Variants in ATG4C observed in about 807,000 individuals in gnomAD.
ATG4C encodes the protein autophagy related 4C cysteine peptidase.
Under a neutral mutation model 57.6 loss-of-function variants are expected in ATG4C, and 56 were observed. That is an observed-to-expected ratio of 0.97 (90% CI 0.78 to 1.21). The LOEUF is 1.21. Among genes scored for constraint, ATG4C ranks in the 50% most tolerant of loss-of-function variants. The probability of loss-of-function intolerance (pLI) is 0.00; values close to 1 mark genes in which losing one functional copy is unlikely to be tolerated. For missense variants in ATG4C, 595 were observed against 529.8 expected (o/e 1.12, Z -1.21); for synonymous variants, 157 against 174.1 (o/e 0.90, Z 0.78).
At chr1:62,851,917 C>T (rs571294666) in intron 10 of ATG4C, among the ~76,000 whole-genome samples, 5 of 152,176 alleles carry the variant, frequency 3.3e-5, no homozygotes, top group South Asian at 4.2e-4. Context: ...GTTTGCAAAG[C>T]GAAAATTGTA....
chr1:62,855,762 G>A (rs1666662718), intron 10 of ATG4C, among the ~76,000 whole-genome samples: 1 of 152,156 alleles, frequency 6.6e-6, no homozygotes, highest in Non-Finnish European at 1.5e-5. Flanking sequence ...GAAAGGTTTA[G>A]CAGTGTTGAC....
intron 3 of ATG4C, among the ~76,000 whole-genome samples, chr1:62,812,075 A>G (rs1014701866): frequency 2.6e-5 from 4 of 152,190 alleles, no homozygotes; most frequent in African/African-American, 9.6e-5. Context: ...CTTAGTAGTT[A>G]TGAAATGACC....
intron 10 of ATG4C, among the ~76,000 whole-genome samples, chr1:62,842,789 C>T (rs1666211432): frequency 6.6e-6 from 1 of 152,178 alleles, no homozygotes; most frequent in East Asian, 1.9e-4. Flanking sequence ...GGAACCATTC[C>T]ATATTCTTCA....
intron 3 of ATG4C, among the ~76,000 whole-genome samples, chr1:62,807,276 G>T (rs1016915965): frequency 2.6e-5 from 4 of 152,138 alleles, no homozygotes; most frequent in African/African-American, 7.2e-5. Context: ...TTTGGTCTTT[G>T]ATCCCAGTTC....
chr1:62,789,023 C>T (rs1664179017), intron 1 of ATG4C, among the ~76,000 whole-genome samples: 1 of 151,762 alleles, frequency 6.6e-6, no homozygotes. Flanking sequence ...GTATGTTTTC[C>T]CTTTTGTATT....
intron 5 of ATG4C, 100 bp downstream of exon 5, chr1:62,819,435 C>CT: frequency 1.1e-6 from 1 of 936,346 alleles, no homozygotes; most frequent in African/African-American, 1.7e-5. Flanking sequence ...CTTTAAAAGT[C>CT]TAACTGTATG....
At chr1:62,789,137 TG>T (rs1159591690) in intron 1 of ATG4C, among the ~76,000 whole-genome samples, 1 of 152,240 alleles carries the variant, frequency 6.6e-6, no homozygotes, top group East Asian at 1.9e-4. Context: ...AAAGCATTGG[TG>T]GTTGCCAAAT....
In ATG4C at chr1:62,810,482, C is replaced by T. The variant is rs759502533; in HGVS notation, c.160+5227C>T. ...TTTTCTTTTTGTCATTACAGACTTA[C>T]GGCTTTTCACATTTACTGTATGTTG... is the stretch of plus-strand genomic sequence containing the variant. On this transcript the variant is annotated intron_variant, in intron 3 of 10. Transcript: ENST00000317868. Among the ~76,000 whole-genome samples, 18 of 152,252 alleles carry T rather than the reference C, an allele frequency of 1.2e-4. 1 individual carries two copies. Among genetic ancestry groups the T allele is most frequent in the Middle Eastern group, 3.4e-3 (1 of 294 alleles).
intron 1 of ATG4C, among the ~76,000 whole-genome samples, chr1:62,784,570 G>C (rs916573558): frequency 6.6e-6 from 1 of 152,076 alleles, no homozygotes; most frequent in Admixed American, 6.6e-5. Flanking sequence ...TCTTTCCCCT[G>C]ATCTATCGCA....
At chr1:62,819,360 T>A (rs1213630825) in intron 5 of ATG4C, 25 bp downstream of exon 5, 1 of 1,542,822 alleles carries the variant, frequency 6.5e-7, no homozygotes, top group African/African-American at 1.4e-5. Flanking sequence ...AAATCTTTCT[T>A]CTTGTGACAG....
chr1:62,804,325 C>T (rs527984002), intron 2 of ATG4C, among the ~76,000 whole-genome samples: 11 of 152,020 alleles, frequency 7.2e-5, no homozygotes, highest in Admixed American at 6.5e-5. Context: ...CTCTTGACCT[C>T]GTGATCCGCC....
intron 1 of ATG4C, among the ~76,000 whole-genome samples, chr1:62,796,480 T>G (rs1664472255): frequency 6.6e-6 from 1 of 152,110 alleles, no homozygotes; most frequent in African/African-American, 2.4e-5. Flanking sequence ...CATGACTAAA[T>G]AGCTGAATCT....
intron 6 of ATG4C, among the ~76,000 whole-genome samples, chr1:62,827,356 T>A (rs878914980): frequency 6.6e-6 from 1 of 152,212 alleles, no homozygotes; most frequent in Admixed American, 6.5e-5. Context: ...TTGGAATGCT[T>A]TTCCCCTAGG....
chr1:62,850,854 G>A lies in ATG4C; in HGVS notation c.1209+9307G>A, dbSNP rs868630393. ...CATGTATGTATGTGTGTGTATGTAT[G>A]TATATATATATATATATATATATAT... is the stretch of plus-strand genomic sequence containing the variant. On this transcript the variant is annotated intron_variant, in intron 10 of 10. Transcript: ENST00000317868. Among the ~76,000 whole-genome samples the A allele has an allele frequency of 8.8e-4, 74 of 84,098 alleles. 4 individuals are homozygous for A. Among genetic ancestry groups the A allele is most frequent in the Non-Finnish European group, 1.4e-3 (53 of 37,824 alleles). The allele number at this position is 84,098 out of a possible 152,430, so 55.2% of individuals were successfully genotyped here. A position where few individuals can be genotyped will look rare whatever the true frequency, so the allele number is the denominator to read the frequency against.
chr1:62,794,734 C>T lies in ATG4C; in HGVS notation c.-68-8985C>T, dbSNP rs573877308. Among the ~76,000 whole-genome samples the T allele has an allele frequency of 2.0e-5, 3 of 152,120 alleles. No individual in the cohort carries two copies. In the South Asian group the frequency reaches 6.2e-4, roughly 32 times the overall value. On this transcript the variant is annotated intron_variant, in intron 1 of 10. Coordinates refer to ENST00000317868, the MANE Select transcript of ATG4C (RefSeq NM_032852.4). The stretch of plus-strand genomic sequence containing the variant: ...ATAAGGAAAAGAATTTACAAACTGA[C>T]CATTTATAGAGTACAAGTTCAGTGC...
intron 7 of ATG4C, among the ~76,000 whole-genome samples, chr1:62,832,816 T>C (rs953013830): frequency 6.6e-6 from 1 of 152,190 alleles, no homozygotes; most frequent in African/African-American, 2.4e-5. Context: ...TGTCATAAAA[T>C]AGAATATTTT....
intron 10 of ATG4C, among the ~76,000 whole-genome samples, chr1:62,858,515 G>T (rs769416710): frequency 2.0e-5 from 3 of 152,074 alleles, no homozygotes; most frequent in Non-Finnish European, 4.4e-5. Flanking sequence ...GAATATAGAA[G>T]GAGTGAATGT....
At chr1:62,814,790 C>T (rs535186423) in intron 3 of ATG4C, among the ~76,000 whole-genome samples, 106 of 152,248 alleles carry the variant, frequency 7.0e-4, no homozygotes, top group African/African-American at 2.3e-3. Flanking sequence ...GGGCCAGGCA[C>T]GGTGGCTCTC....
intron 3 of ATG4C, among the ~76,000 whole-genome samples, chr1:62,807,560 C>T (rs150992801): frequency 6.6e-6 from 1 of 152,214 alleles, no homozygotes; most frequent in African/African-American, 2.4e-5. Context: ...ATGAAGCCTC[C>T]ATAAGAATCC....
Sources: allele counts gnomAD v4.1 joint callset (sites outside exome capture counted in the v4.1 genomes callset), GRCh38; gene constraint gnomAD v4.1.1; transcripts MANE v1.5; gene names NCBI Gene and HGNC (gene_info 2026-07-23, HGNC 2026-07-21).